TENM2: variants seen among roughly 807,000 people sequenced by gnomAD.
The protein encoded by TENM2 is teneurin-2.
In TENM2, 52 loss-of-function variants were observed where a neutral mutation model predicts 245.2. The ratio of observed to expected loss-of-function variants is 0.21; its 90% CI spans 0.17 to 0.27. TENM2 has a LOEUF of 0.27. Ranked by LOEUF, TENM2 falls within the 10% of genes least tolerant of loss-of-function variation. The pLI is 1.00. For synonymous variants in TENM2, 1,363 were observed against 1,438.9 expected (o/e 0.95, Z 1.19); for missense variants, 3,046 against 3,666.8 (o/e 0.83, Z 4.37).
intron 2 of TENM2, among the ~76,000 whole-genome samples, chr5:167,815,936 T>C (rs946228708): frequency 5.3e-5 from 8 of 151,928 alleles, no homozygotes; most frequent in Admixed American, 4.6e-4. Flanking sequence ...ATGAGGGGTT[T>C]GACCTAAAGG....
intron 2 of TENM2, among the ~76,000 whole-genome samples, chr5:167,863,837 T>C (rs1333382386): frequency 6.6e-6 from 1 of 152,112 alleles, no homozygotes; most frequent in Non-Finnish European, 1.5e-5. Context: ...TGTACGCTAG[T>C]GGAGATTTTT....
At chr5:168,240,792 A>T (rs1403615808) in intron 25 of TENM2, 1 of 152,200 alleles carries the variant, frequency 6.6e-6, no homozygotes, top group Non-Finnish European at 1.5e-5. Flanking sequence ...AGTAGGCATG[A>T]TGGCAAGTCC....
chr5:167,423,613 G>T (rs1351494258), intron 2 of TENM2, among the ~76,000 whole-genome samples: 1 of 152,094 alleles, frequency 6.6e-6, no homozygotes, highest in African/African-American at 2.4e-5. Context: ...TTTAATAATT[G>T]TCCTTAAACA....
chr5:167,582,787 A>G (rs1015493510), intron 2 of TENM2, among the ~76,000 whole-genome samples: 1 of 152,158 alleles, frequency 6.6e-6, no homozygotes, highest in African/African-American at 2.4e-5. Context: ...TACCAGAACA[A>G]AAAGGTAATT....
chr5:167,460,498 G>C (rs976150195), intron 2 of TENM2, among the ~76,000 whole-genome samples: 1 of 152,240 alleles, frequency 6.6e-6, no homozygotes, highest in East Asian at 1.9e-4. Context: ...AAGATGCTGA[G>C]TGTGAAAGAC....
At chr5:168,250,416 C>G (rs1054008015) in intron 27 of TENM2, among the ~76,000 whole-genome samples, 1 of 152,136 alleles carries the variant, frequency 6.6e-6, no homozygotes, top group East Asian at 1.9e-4. Flanking sequence ...GACCCAAGAC[C>G]AGAACCCCAA....
chr5:168,125,780 G>A (rs1795806824), intron 11 of TENM2, among the ~76,000 whole-genome samples: 3 of 152,076 alleles, frequency 2.0e-5, no homozygotes, highest in Admixed American at 2.0e-4. Flanking sequence ...AGTTAAAATG[G>A]GCTATTTTGG....
chr5:167,176,203 T>C, the TENM2 span, among the ~76,000 whole-genome samples: 52 of 152,356 alleles, frequency 3.4e-4, no homozygotes, highest in African/African-American at 1.2e-3. Flanking sequence ...CTGTAGGAAC[T>C]TGACATTCTC....
At position 167,451,683 on chromosome 5, in the gene TENM2, C is replaced by T. The variant is rs867284457; in HGVS notation, c.502+76210C>T. On this transcript the variant is annotated intron_variant, in intron 2 of 28. Coordinates refer to ENST00000518659, the Ensembl canonical transcript of TENM2. The stretch of plus-strand genomic sequence containing the variant: ...TTTTTTCTTGAGACGGAGTCTCGCT[C>T]TGTCACCCAGGCTGGAGTGCAGTGG... Among the ~76,000 whole-genome samples, 12 of 151,576 alleles carry T rather than the reference C, an allele frequency of 7.9e-5. 1 individual carries two copies. The highest frequency in any genetic ancestry group is 3.4e-3 in the Middle Eastern group (1 of 294).
intron 2 of TENM2, among the ~76,000 whole-genome samples, chr5:167,391,353 T>C (rs1313521866): frequency 6.6e-6 from 1 of 152,040 alleles, no homozygotes; most frequent in African/African-American, 2.4e-5. Context: ...TGGGTGGGCA[T>C]AGTGGCTCAC....
intron 2 of TENM2, among the ~76,000 whole-genome samples, chr5:167,764,817 A>T (rs1433782852): frequency 6.6e-6 from 1 of 151,890 alleles, no homozygotes; most frequent in East Asian, 1.9e-4. Flanking sequence ...TGCCAGACAC[A>T]CTCCTGTGCT....
At chr5:166,995,179 C>T in the TENM2 span, among the ~76,000 whole-genome samples, 1 of 151,892 alleles carries the variant, frequency 6.6e-6, no homozygotes, top group Non-Finnish European at 1.5e-5. Flanking sequence ...CCTTCAGGAA[C>T]ATAGAAAAAA....
chr5:167,992,313 A>C (rs911316133), intron 4 of TENM2, among the ~76,000 whole-genome samples: 2 of 152,196 alleles, frequency 1.3e-5, no homozygotes, highest in Non-Finnish European at 2.9e-5. Flanking sequence ...AAAAATTAAA[A>C]ATTTTAAAAA....
chr5:168,247,365 C>T lies in TENM2; in HGVS notation c.6426C>T (p.Ile2142=), dbSNP rs3733988. 837,131 of 1,613,598 alleles carry T rather than the reference C, an allele frequency of 0.52. 221,816 individuals carry two copies. Among genetic ancestry groups the T allele is most frequent in the South Asian group, 0.56 (50,890 of 91,066 alleles). The change falls in exon 27 of 29, where the codon ATC becomes ATT. Residue 2142 remains isoleucine (I), a synonymous_variant. Transcript: ENST00000518659. The surrounding 1 kb of genome is among the most constrained non-coding windows in gnomAD (Gnocchi z 7.8). ...TCATCTATTATGACATCAACCAGAT[C>T]ATCACCACTGCCGTGATGACCCTCA...
At chr5:166,982,296 G>A in the TENM2 span, among the ~76,000 whole-genome samples, 2 of 152,080 alleles carry the variant, frequency 1.3e-5, no homozygotes, top group Non-Finnish European at 2.9e-5. Context: ...AGGTTTCTCT[G>A]CATGTGTGAA....
At chr5:167,843,750 A>G (rs1382459738) in intron 2 of TENM2, among the ~76,000 whole-genome samples, 2 of 136,560 alleles carry the variant, frequency 1.5e-5, no homozygotes, top group Non-Finnish European at 3.3e-5. Context: ...TTCCATGAAT[A>G]TAATAATAAT....
At position 167,663,141 on chromosome 5, in the gene TENM2, G is replaced by GGAGAGAGA. The variant is rs544699415; in HGVS notation, c.503-212806_503-212799dup. On this transcript the variant is annotated intron_variant, in intron 2 of 28. Transcript: ENST00000518659. ...AGAGAGACAGAGAGAATGGGGATGG[G>GGAGAGAGA]GAGAGAGAGAGAGAGAGAGAGAGAG... 8.8e-3 allele frequency among the ~76,000 whole-genome samples: 951 copies of GGAGAGAGA among 108,364 alleles called. 2 individuals are homozygous for GGAGAGAGA. The highest frequency in any genetic ancestry group is 0.01 in the Non-Finnish European group (560 of 53,386). The allele number at this position is 108,364 out of a possible 152,430, so 71.1% of individuals were successfully genotyped here.
intron 2 of TENM2, among the ~76,000 whole-genome samples, chr5:167,782,614 G>A (rs958027173): frequency 6.6e-6 from 1 of 152,106 alleles, no homozygotes; most frequent in African/African-American, 2.4e-5. Flanking sequence ...AGAGAAGGGA[G>A]GTTTTTGGCA....
At chr5:167,348,458 G>C (rs955703421) in intron 1 of TENM2, among the ~76,000 whole-genome samples, 13 of 152,162 alleles carry the variant, frequency 8.5e-5, no homozygotes, top group Non-Finnish European at 1.8e-4. Context: ...TTATCCTGGC[G>C]ACAGCTTGCT....
Sources: gnomAD v4.1 joint callset for allele counts (sites outside exome capture counted in the v4.1 genomes callset) on GRCh38, gnomAD v4.1.1 for gene constraint, Gnocchi (gnomAD v3.1) non-coding constraint, MANE v1.5 for transcripts, NCBI Gene and HGNC (gene_info 2026-07-23, HGNC 2026-07-21) for gene names.